Variants in CORO2B observed in about 807,000 individuals in gnomAD.
The protein encoded by CORO2B is coronin 2B.
In CORO2B, 26 loss-of-function variants were observed where a neutral mutation model predicts 58.8. That is an observed-to-expected ratio of 0.44 (90% CI 0.32 to 0.61). The LOEUF (loss-of-function observed/expected upper bound fraction) is 0.61, where lower values mean the gene tolerates loss of function less well. Among genes scored for constraint, CORO2B ranks in the 20% least tolerant of loss-of-function variants. The pLI, the probability that CORO2B is intolerant of heterozygous loss-of-function variation, is 0.04. For missense variants in CORO2B, 460 were observed against 645.1 expected, an observed-to-expected ratio of 0.71 and a Z score of 3.11; for synonymous variants, 242 against 253.8, an observed-to-expected ratio of 0.95 and a Z score of 0.44.
At chr15:68,617,888 T>C (rs1050976326) in intron 1 of CORO2B, among the ~76,000 whole-genome samples, 1 of 152,148 alleles carries the variant, frequency 6.6e-6, no homozygotes, top group African/African-American at 2.4e-5. Flanking sequence ...TGCATTTGAA[T>C]CTTAGGCTAC....
chr15:68,572,835 G>C, the CORO2B span, among the ~76,000 whole-genome samples: 1 of 152,170 alleles, frequency 6.6e-6, no homozygotes, highest in Non-Finnish European at 1.5e-5. Context: ...CTCTATACAA[G>C]GGACTGGGCT....
intron 1 of CORO2B, among the ~76,000 whole-genome samples, chr15:68,607,296 C>CAT (rs1900148823): frequency 6.7e-6 from 1 of 149,164 alleles, no homozygotes; most frequent in Non-Finnish European, 1.5e-5. Context: ...TTGACTGGAG[C>CAT]ATCTACACAT....
intron 3 of CORO2B, among the ~76,000 whole-genome samples, chr15:68,702,773 T>C (rs543718004): frequency 6.6e-6 from 1 of 151,978 alleles, no homozygotes; most frequent in East Asian, 1.9e-4. Flanking sequence ...TACAGCTAAA[T>C]TGGAGGCTTC....
intron 2 of CORO2B, 59 bp from the exon 3 acceptor site, chr15:68,695,081 G>A: frequency 7.3e-7 from 1 of 1,360,804 alleles, no homozygotes; most frequent in Non-Finnish European, 1.0e-6. Context: ...CTCCATTCAA[G>A]GCCACCCCAG....
intron 3 of CORO2B, among the ~76,000 whole-genome samples, chr15:68,704,041 C>CAA (rs201026173): frequency 0.056 from 228 of 4,054 alleles, 1 homozygote; most frequent in East Asian, 0.31. Context: ...CACACACATA[C>CAA]ACACACACAC....
intron 3 of CORO2B, among the ~76,000 whole-genome samples, chr15:68,703,307 C>T (rs1303842575): frequency 4.6e-5 from 7 of 151,590 alleles, no homozygotes; most frequent in Non-Finnish European, 1.0e-4. Flanking sequence ...CGCGCTACCA[C>T]GCCCAGTTAA....
At chr15:68,660,075 A>G (rs1901965007) in intron 2 of CORO2B, among the ~76,000 whole-genome samples, 1 of 152,134 alleles carries the variant, frequency 6.6e-6, no homozygotes, top group African/African-American at 2.4e-5. Flanking sequence ...TTACAGAAAT[A>G]TATCGTAATT....
chr15:68,647,770 G>A lies in CORO2B; in HGVS notation c.216+2410G>A, dbSNP rs79980874. On this transcript the variant is annotated intron_variant, in intron 2 of 11. Transcript: ENST00000261861. Reference sequence around the variant, plus strand: ...CGCCTGTAATCCCAACACTTTGGGAGGCCAAGGCAGGAAGATCACTTAACC... The same window carrying A: ...CGCCTGTAATCCCAACACTTTGGGAAGCCAAGGCAGGAAGATCACTTAACC... Among the ~76,000 whole-genome samples, 590 of 151,746 alleles carry A rather than the reference G, an allele frequency of 3.9e-3. 13 individuals are homozygous for A. The East Asian group carries it at 0.093, about 24-fold the overall frequency.
chr15:68,579,356 T>C, intron 1 of CORO2B, 79 bp downstream of exon 1: 1 of 1,164,588 alleles, frequency 8.6e-7, no homozygotes, highest in Non-Finnish European at 1.1e-6. Flanking sequence ...GGCGCGGGGG[T>C]GTGGGTGTGG....
At chr15:68,546,408 G>A in the CORO2B span, among the ~76,000 whole-genome samples, 1 of 152,156 alleles carries the variant, frequency 6.6e-6, no homozygotes, top group Non-Finnish European at 1.5e-5. Context: ...CTACCGCAAG[G>A]GATTCCAAGA....
chr15:68,688,621 T>C (rs1892283130), intron 2 of CORO2B, among the ~76,000 whole-genome samples: 1 of 152,222 alleles, frequency 6.6e-6, no homozygotes, highest in Non-Finnish European at 1.5e-5. Flanking sequence ...CGTAGATCTT[T>C]AGCAATGCTC....
the CORO2B span, among the ~76,000 whole-genome samples, chr15:68,570,919 ATGAGCCAC>A: frequency 6.7e-6 from 1 of 149,226 alleles, no homozygotes; most frequent in Non-Finnish European, 1.5e-5. Flanking sequence ...GATTACAGGC[ATGAGCCAC>A]TGTGCCCAGC....
chr15:68,666,095 A>G (rs1902181468), intron 2 of CORO2B, among the ~76,000 whole-genome samples: 1 of 152,232 alleles, frequency 6.6e-6, no homozygotes, highest in African/African-American at 2.4e-5. Context: ...TGCAAAGTTT[A>G]AATCATTTAG....
chr15:68,619,755 G>T (rs1026512839), intron 1 of CORO2B, among the ~76,000 whole-genome samples: 5 of 132,038 alleles, frequency 3.8e-5, no homozygotes, highest in Non-Finnish European at 1.6e-5. Flanking sequence ...GCGTGCATGC[G>T]TGTGTGTGTG....
intron 2 of CORO2B, among the ~76,000 whole-genome samples, chr15:68,652,517 C>T (rs957785054): frequency 6.6e-6 from 1 of 152,190 alleles, no homozygotes; most frequent in Non-Finnish European, 1.5e-5. Flanking sequence ...GCTACCCCAA[C>T]TGGCACCTGG....
In CORO2B at chr15:68,623,789, A is replaced by G. The variant is rs534376602; in HGVS notation, c.16-21371A>G. Among the ~76,000 whole-genome samples the G allele has an allele frequency of 6.8e-3, 1,031 of 152,256 alleles. 4 individuals are homozygous for G. The highest frequency in any genetic ancestry group is 0.017 in the Middle Eastern group (5 of 294). ...CTGCTGGGTAATCCCCGTTTGTGCCACTTGCAAAGCATGAGGTTGGAGGCG... is the reference window on the plus strand; with the variant it reads ...CTGCTGGGTAATCCCCGTTTGTGCCGCTTGCAAAGCATGAGGTTGGAGGCG... On this transcript the variant is annotated intron_variant, in intron 1 of 11. Transcript: ENST00000261861.
At chr15:68,558,294 G>A in the CORO2B span, among the ~76,000 whole-genome samples, 1 of 152,160 alleles carries the variant, frequency 6.6e-6, no homozygotes. Context: ...CTGCCTGGCA[G>A]GCCCAGGGGT....
At chr15:68,674,321 T>C (rs746509404) in intron 2 of CORO2B, among the ~76,000 whole-genome samples, 1 of 152,226 alleles carries the variant, frequency 6.6e-6, no homozygotes, top group Non-Finnish European at 1.5e-5. Context: ...GTGGGTAGTA[T>C]ATATTCTCTG....
the CORO2B span, among the ~76,000 whole-genome samples, chr15:68,569,428 T>C: frequency 6.6e-6 from 1 of 152,234 alleles, no homozygotes; most frequent in African/African-American, 2.4e-5. Context: ...CTTAGTGATA[T>C]GCATTTAAGG....
Sources: gnomAD v4.1 joint callset for allele counts (sites outside exome capture counted in the v4.1 genomes callset) on GRCh38, gnomAD v4.1.1 for gene constraint, MANE v1.5 for transcripts, NCBI Gene and HGNC (gene_info 2026-07-23, HGNC 2026-07-21) for gene names.